Variants in SNX25 observed in about 807,000 individuals in gnomAD.
SNX25 encodes the protein sorting nexin-25.
SNX25 carries 62 observed loss-of-function variants against 113.7 expected under a neutral mutation model. The observed-to-expected ratio is 0.55, with a 90% CI of 0.44 to 0.67. SNX25 has a LOEUF of 0.67. Among genes scored for constraint, SNX25 ranks in the 30% least tolerant of loss-of-function variants. SNX25 has a pLI of 0.00. For synonymous variants in SNX25, 421 were observed against 436.2 expected (o/e 0.97, Z 0.43); for missense variants, 1,014 against 1,161.0 (o/e 0.87, Z 1.84).
Position 185,213,887 on chromosome 4 carries a change from A to G in SNX25, c.429+3632A>G, listed in dbSNP as rs116621786. Among the ~76,000 whole-genome samples, 1,466 of 151,928 alleles carry G rather than the reference A, an allele frequency of 9.6e-3. 25 individuals are homozygous for G. The highest frequency in any genetic ancestry group is 0.034 in the African/African-American group (1,392 of 41,440). ...AACTTTGTCAGTTTTTCTGTTGTGT[A>G]GTCTAATACAGATTTTTCTCTTTTC... is the stretch of plus-strand genomic sequence containing the variant. On this transcript the variant is annotated intron_variant, in intron 1 of 18. Coordinates refer to ENST00000652585, the MANE Select transcript of SNX25 (RefSeq NM_001378034.2).
chr4:185,217,248 G>C (rs1739003488), intron 1 of SNX25, among the ~76,000 whole-genome samples: 1 of 99,498 alleles, frequency 1.0e-5, no homozygotes, highest in East Asian at 3.5e-4. Context: ...GTGAGACTGT[G>C]TCTTGGGAAA....
At chr4:185,274,788 G>A (rs1265263471) in intron 5 of SNX25, among the ~76,000 whole-genome samples, 2 of 152,198 alleles carry the variant, frequency 1.3e-5, no homozygotes, top group Admixed American at 1.3e-4. Context: ...ATTATAACAA[G>A]CATATGAATT....
intron 5 of SNX25, among the ~76,000 whole-genome samples, chr4:185,284,950 A>G (rs1430215548): frequency 6.6e-6 from 1 of 152,194 alleles, no homozygotes; most frequent in African/African-American, 2.4e-5. Flanking sequence ...TTTGAGAAGG[A>G]TGATGGTACT....
At chr4:185,296,785 G>A (rs928442636) in intron 6 of SNX25, among the ~76,000 whole-genome samples, 4 of 152,068 alleles carry the variant, frequency 2.6e-5, no homozygotes, top group African/African-American at 7.2e-5. Flanking sequence ...TAGTTTGCTC[G>A]CAAAATTTTC....
Position 185,320,738 on chromosome 4 carries a change from TC to T in SNX25, c.1351del (p.Gln451SerfsTer27). ...TTCTTAAATTCTCTTAATAGATTCT[TC>T]AGTTTGAAGATATCTTGGCCAATAC... ...GEGPQSQKIL[Q>X]FEDILANTFY... On this transcript the variant is annotated frameshift_variant, in exon 8 of 19. Transcript: ENST00000652585. LOFTEE classifies it high-confidence loss of function. 1 of 1,522,538 alleles carries T rather than the reference TC, an allele frequency of 6.6e-7. No homozygotes were observed. Among genetic ancestry groups the T allele is most frequent in the Non-Finnish European group, 8.8e-7 (1 of 1,137,260 alleles). 94.3% of individuals were successfully genotyped at this position (1,522,538 alleles called of 1,614,324 possible). A position where few individuals can be genotyped will look rare whatever the true frequency, so the allele number is the denominator to read the frequency against.
intron 8 of SNX25, among the ~76,000 whole-genome samples, chr4:185,322,510 G>A (rs1460679287): frequency 6.6e-6 from 1 of 152,186 alleles, no homozygotes; most frequent in African/African-American, 2.4e-5. Context: ...AGAATAGACT[G>A]CCAAATATAT....
chr4:185,356,810 A>G (rs1359694687), intron 15 of SNX25, among the ~76,000 whole-genome samples: 1 of 152,210 alleles, frequency 6.6e-6, no homozygotes, highest in Non-Finnish European at 1.5e-5. Flanking sequence ...AAACACTTCA[A>G]TAGATGGAGG....
intron 4 of SNX25, 122 bp downstream of exon 4, chr4:185,264,732 C>T: frequency 1.9e-6 from 2 of 1,050,514 alleles, no homozygotes; most frequent in East Asian, 2.5e-5. Context: ...GTTTATATGT[C>T]TCTAAAACTA....
At chr4:185,240,687 C>G (rs537447333) in intron 1 of SNX25, among the ~76,000 whole-genome samples, 3 of 150,502 alleles carry the variant, frequency 2.0e-5, no homozygotes, top group African/African-American at 7.4e-5. Flanking sequence ...GGGCGGCTGC[C>G]GGGCGGGGGG....
At chr4:185,331,897 C>T (rs1296050169) in intron 9 of SNX25, among the ~76,000 whole-genome samples, 6 of 152,198 alleles carry the variant, frequency 3.9e-5, no homozygotes. Context: ...AAAGCTGGAA[C>T]AAGAAAACCT....
chr4:185,357,271 A>G (rs1006369401), intron 15 of SNX25, among the ~76,000 whole-genome samples: 1 of 152,226 alleles, frequency 6.6e-6, no homozygotes, highest in African/African-American at 2.4e-5. Flanking sequence ...ATATTTGACT[A>G]CAGATGTTTC....
intron 6 of SNX25, among the ~76,000 whole-genome samples, chr4:185,295,523 C>T (rs1284209961): frequency 6.6e-6 from 1 of 150,552 alleles, no homozygotes; most frequent in Non-Finnish European, 1.5e-5. Context: ...AGTCACGGCT[C>T]ACTGCAGTCT....
Position 185,361,910 on chromosome 4 carries a change from T to A in SNX25, c.2652-14T>A, listed in dbSNP as rs1561057976. The A allele has an allele frequency of 3.1e-6, 5 of 1,611,162 alleles. No homozygotes were observed. The South Asian group carries it at 5.5e-5, about 18-fold the overall frequency. On this transcript the variant is annotated splice_polypyrimidine_tract_variant and intron_variant, in intron 16 of 18. Coordinates refer to ENST00000652585, the MANE Select transcript of SNX25 (RefSeq NM_001378034.2). ...TTTAAAAACCTCATCCAAGAAATCTTTTTCTCTTAAAAGACAAATCCGGGA... is the reference window on the plus strand; with the variant it reads ...TTTAAAAACCTCATCCAAGAAATCTATTTCTCTTAAAAGACAAATCCGGGA...
At chr4:185,291,691 A>G (rs1404042567) in intron 6 of SNX25, among the ~76,000 whole-genome samples, 1 of 152,086 alleles carries the variant, frequency 6.6e-6, no homozygotes, top group Non-Finnish European at 1.5e-5. Context: ...GCCTGGAGAT[A>G]TGTCACTCCA....
chr4:185,370,904 G>A, downstream of SNX25: 3 of 1,381,958 alleles, frequency 2.2e-6, no homozygotes, highest in Admixed American at 1.8e-5. Context: ...CCTTGTGCCT[G>A]AAGTGATTTC....
At chr4:185,324,752 G>T (rs2095144386) in intron 9 of SNX25, among the ~76,000 whole-genome samples, 1 of 152,154 alleles carries the variant, frequency 6.6e-6, no homozygotes. Flanking sequence ...TAGAATGGCG[G>T]TGCTTGTCCA....
intron 5 of SNX25, among the ~76,000 whole-genome samples, chr4:185,268,717 T>C (rs1387056762): frequency 6.6e-6 from 1 of 152,184 alleles, no homozygotes; most frequent in Non-Finnish European, 1.5e-5. Context: ...AATTTTCTGA[T>C]TCGAATAAAG....
intron 6 of SNX25, among the ~76,000 whole-genome samples, chr4:185,290,742 T>C (rs1752053528): frequency 6.7e-6 from 1 of 148,886 alleles, no homozygotes; most frequent in African/African-American, 2.5e-5. Flanking sequence ...TTATTTTAAG[T>C]ATTAGTTTCT....
In SNX25 at chr4:185,328,020, C is replaced by A. The variant is rs770019296; in HGVS notation, c.1749+4220C>A. ...GTTTTAGTCTCGTGAACTGAAAGAT[C>A]CCATAGCTTTTACTTTTCCCTTAAA... is the stretch of plus-strand genomic sequence containing the variant. On this transcript the variant is annotated intron_variant, in intron 9 of 18. Coordinates refer to ENST00000652585, the MANE Select transcript of SNX25 (RefSeq NM_001378034.2). Among the ~76,000 whole-genome samples the A allele has an allele frequency of 9.2e-5, 14 of 152,140 alleles. 1 individual carries two copies. The highest frequency in any genetic ancestry group is 2.1e-4 in the Non-Finnish European group (14 of 68,044).
Sources: allele counts gnomAD v4.1 joint callset (sites outside exome capture counted in the v4.1 genomes callset), GRCh38; gene constraint gnomAD v4.1.1; transcripts MANE v1.5; gene names NCBI Gene and HGNC (gene_info 2026-07-23, HGNC 2026-07-21).